WDR44: variants seen among roughly 807,000 people sequenced by gnomAD.
The protein encoded by WDR44 is WD repeat domain 44.
A neutral mutation model predicts 65.7 loss-of-function variants in WDR44; 9 were observed. The ratio of observed to expected loss-of-function variants is 0.14; its 90% CI spans 0.08 to 0.24. WDR44 has a LOEUF of 0.24. Among genes scored for constraint, WDR44 ranks in the 10% least tolerant of loss-of-function variants. The pLI is 1.00. For synonymous variants in WDR44, 220 were observed against 235.2 expected, an observed-to-expected ratio of 0.94 and a Z score of 0.59; for missense variants, 425 against 670.9, an observed-to-expected ratio of 0.63 and a Z score of 4.05.
intron 8 of WDR44, among the ~76,000 whole-genome samples, chrX:118,402,997 CTG>C (rs1181447699): frequency 9.0e-6 from 1 of 111,643 alleles, no homozygotes; most frequent in African/African-American, 3.3e-5. Flanking sequence ...TCTGTATCTA[CTG>C]TGTTTTTTCT....
intron 12 of WDR44, among the ~76,000 whole-genome samples, chrX:118,431,894 T>TTTTG (rs201858148): frequency 0.13 from 13,905 of 109,111 alleles, 793 homozygotes; most frequent in Admixed American, 0.24. Context: ...TTGTTGTGTG[T>TTTTG]TTTGTTTGTT....
intron 14 of WDR44, among the ~76,000 whole-genome samples, chrX:118,439,280 G>C (rs1287859801): frequency 9.2e-6 from 1 of 108,570 alleles, no homozygotes; most frequent in Non-Finnish European, 1.9e-5. Context: ...AGTTAGAAAA[G>C]AAATAGCAAA....
rs1214126337 is a variant in WDR44 at position 118,440,949 on chromosome X, C to CTTTTTTTT, written c.1975-397_1975-390dup. Among the ~76,000 whole-genome samples the CTTTTTTTT allele has an allele frequency of 2.4e-4, 12 of 50,359 alleles. 1 individual carries two copies. The highest frequency in any genetic ancestry group is 8.0e-4 in the East Asian group (1 of 1,250). 43.7% of individuals were successfully genotyped at this position (50,359 alleles called of 115,157 possible). A position where few individuals can be genotyped will look rare whatever the true frequency, so the allele number is the denominator to read the frequency against. ...AAGAATAAAAATTTTTAAATGAAAT[C>CTTTTTTTT]TTTTTTTTTTTTTTTTTTTTTTTTT... On this transcript the variant is annotated intron_variant, in intron 14 of 19. Coordinates refer to ENST00000254029, the MANE Select transcript of WDR44 (RefSeq NM_019045.5).
intron 14 of WDR44, among the ~76,000 whole-genome samples, chrX:118,438,208 T>TA (rs745818675): frequency 9.0e-6 from 1 of 110,707 alleles, no homozygotes; most frequent in African/African-American, 3.3e-5. Flanking sequence ...TGTTAATTCT[T>TA]ACCAGTTTTG....
intron 1 of WDR44, among the ~76,000 whole-genome samples, chrX:118,354,476 T>C (rs1200480304): frequency 9.0e-6 from 1 of 110,717 alleles, no homozygotes. Context: ...AATCTTTAAT[T>C]GTACAAATAG....
intron 18 of WDR44, 55 bp from the exon 19 acceptor site, chrX:118,444,305 G>A (rs1039751573): frequency 9.5e-6 from 11 of 1,156,064 alleles, no homozygotes; most frequent in East Asian, 3.0e-5. Flanking sequence ...ATACACTATC[G>A]TGTTTGTCTT....
At chrX:118,425,138 C>T (rs1569379780) in intron 12 of WDR44, among the ~76,000 whole-genome samples, 3 of 111,216 alleles carry the variant, frequency 2.7e-5, no homozygotes, top group African/African-American at 9.8e-5. Context: ...CAAAAAACAG[C>T]AGCAAGGGCA....
chrX:118,399,685 T>A (rs1569370016), intron 8 of WDR44, among the ~76,000 whole-genome samples: 1 of 112,097 alleles, frequency 8.9e-6, no homozygotes, highest in Admixed American at 9.6e-5. Context: ...TCATTTTTTT[T>A]AAAACTCTGT....
At chrX:118,366,044 G>A (rs998418818) in intron 1 of WDR44, among the ~76,000 whole-genome samples, 1 of 109,172 alleles carries the variant, frequency 9.2e-6, no homozygotes, top group Non-Finnish European at 1.9e-5. Context: ...TGGGAGAGTA[G>A]AATGGAAGTC....
intron 12 of WDR44, 64 bp from the exon 13 acceptor site, chrX:118,432,717 G>A (rs1035337124): frequency 1.4e-5 from 14 of 968,750 alleles, no homozygotes; most frequent in South Asian, 1.2e-4. Context: ...GAACAGATGG[G>A]GTGGGAAGAA....
chrX:118,388,576 C>T (rs1027865303), intron 3 of WDR44, among the ~76,000 whole-genome samples: 1 of 111,874 alleles, frequency 8.9e-6, no homozygotes, highest in Non-Finnish European at 1.9e-5. Context: ...ACACTGTGCC[C>T]AGCGAGACCA....
At chrX:118,355,110 AT>A (rs911507821) in intron 1 of WDR44, among the ~76,000 whole-genome samples, 30 of 110,158 alleles carry the variant, frequency 2.7e-4, no homozygotes, top group East Asian at 2.3e-3. Context: ...TAACAATTGA[AT>A]TTTTTTTTTA....
chrX:118,347,182 T>G (rs2056359580), intron 1 of WDR44, among the ~76,000 whole-genome samples: 1 of 111,444 alleles, frequency 9.0e-6, no homozygotes, highest in Non-Finnish European at 1.9e-5. Context: ...CACCTTATCG[T>G]GAGGTAAAGG....
chrX:118,446,794 T>C (rs1722192666), intron 19 of WDR44, among the ~76,000 whole-genome samples: 2 of 112,016 alleles, frequency 1.8e-5, no homozygotes, highest in Non-Finnish European at 3.8e-5. Flanking sequence ...TCTTTTTCTT[T>C]CCTTCTCAGA....
chrX:118,367,296 A>G, intron 1 of WDR44, among the ~76,000 whole-genome samples: 1 of 111,725 alleles, frequency 9.0e-6, no homozygotes, highest in Non-Finnish European at 1.9e-5. Flanking sequence ...TTATTGTCAC[A>G]TAGATTTTTA....
chrX:118,411,140 T>G (rs1305489659), intron 12 of WDR44, among the ~76,000 whole-genome samples, 181 bp downstream of exon 12: 1 of 111,197 alleles, frequency 9.0e-6, no homozygotes, highest in Non-Finnish European at 1.9e-5. Flanking sequence ...ATTTTTGATA[T>G]TTAAAGGTTG....
At chrX:118,403,107 G>GC (rs1569371185) in intron 8 of WDR44, among the ~76,000 whole-genome samples, 3 of 112,156 alleles carry the variant, frequency 2.7e-5, no homozygotes. Flanking sequence ...GTAGGATGGA[G>GC]CAGGGTGGTG....
intron 1 of WDR44, among the ~76,000 whole-genome samples, chrX:118,372,326 A>G (rs1338327572): frequency 1.8e-5 from 2 of 111,233 alleles, no homozygotes; most frequent in African/African-American, 3.3e-5. Flanking sequence ...CTTGACATCT[A>G]GTTCCCCATT....
chrX:118,429,588 C>CAA (rs200067120), intron 12 of WDR44, among the ~76,000 whole-genome samples: 75 of 68,751 alleles, frequency 1.1e-3, no homozygotes, highest in African/African-American at 2.6e-3. Flanking sequence ...GACTCAGTCT[C>CAA]AAAAAAAAAA....
Sources: allele counts gnomAD v4.1 joint callset (sites outside exome capture counted in the v4.1 genomes callset), GRCh38; gene constraint gnomAD v4.1.1; transcripts MANE v1.5; gene names NCBI Gene and HGNC (gene_info 2026-07-23, HGNC 2026-07-21).